Variants in UBE2L3 observed in about 807,000 individuals in gnomAD.
UBE2L3 encodes ubiquitin conjugating enzyme E2 L3.
In UBE2L3, 1 loss-of-function variant was observed where a neutral mutation model predicts 17.8. The ratio of observed to expected loss-of-function variants is 0.06; its 90% CI spans 0.02 to 0.27. UBE2L3 has a LOEUF of 0.27. Ranked by LOEUF, UBE2L3 falls within the 10% of genes least tolerant of loss-of-function variation. UBE2L3 has a pLI of 1.00. For missense variants in UBE2L3, 40 were observed against 192.6 expected (o/e 0.21, Z 4.69); for synonymous variants, 44 against 68.5 (o/e 0.64, Z 1.76).
intron 1 of UBE2L3, among the ~76,000 whole-genome samples, chr22:21,561,067 G>GGAGTC (rs1467957715): frequency 6.6e-6 from 1 of 152,186 alleles, no homozygotes; most frequent in Non-Finnish European, 1.5e-5. Context: ...AAAGAAAGAG[G>GGAGTC]GAGTCCTTTA....
At chr22:21,572,438 AAAAG>A (rs1363823522) in intron 1 of UBE2L3, among the ~76,000 whole-genome samples, 9 of 150,206 alleles carry the variant, frequency 6.0e-5, no homozygotes. Context: ...AAAAAAAAAA[AAAAG>A]AAAACCCTGA....
chr22:21,612,647 T>C (rs1320085076), intron 3 of UBE2L3, among the ~76,000 whole-genome samples: 10 of 97,004 alleles, frequency 1.0e-4, no homozygotes, highest in East Asian at 3.0e-4. Context: ...TCTTTTCTTT[T>C]TTTTTTTTTT....
chr22:21,569,615 C>T (rs542818220), intron 1 of UBE2L3, among the ~76,000 whole-genome samples: 2 of 152,142 alleles, frequency 1.3e-5, no homozygotes, highest in Non-Finnish European at 2.9e-5. Flanking sequence ...GCAGTTAATC[C>T]TAACCTCTTA....
intron 1 of UBE2L3, among the ~76,000 whole-genome samples, chr22:21,556,629 A>ATTTTTTT (rs780653296): frequency 1.5e-5 from 2 of 130,452 alleles, no homozygotes; most frequent in Non-Finnish European, 3.2e-5. Flanking sequence ...TTTTTTTTGT[A>ATTTTTTT]TTTTTTTTTT....
intron 1 of UBE2L3, among the ~76,000 whole-genome samples, chr22:21,558,656 A>ATT (rs131646): frequency 8.9e-5 from 13 of 146,552 alleles, no homozygotes; most frequent in Non-Finnish European, 1.0e-4. Flanking sequence ...AAAACACTTA[A>ATT]TTTTTTTTTT....
chr22:21,568,100 C>T (rs1033277410), intron 1 of UBE2L3: 6 of 1,121,358 alleles, frequency 5.4e-6, no homozygotes, highest in East Asian at 5.2e-5. Flanking sequence ...TGTGAGAGCC[C>T]GGTTGGGAGG....
At chr22:21,582,150 A>T (rs1039350879) in intron 1 of UBE2L3, among the ~76,000 whole-genome samples, 5 of 151,544 alleles carry the variant, frequency 3.3e-5, no homozygotes, top group African/African-American at 1.2e-4. Flanking sequence ...AAACAAAAAA[A>T]AAAACAGTTC....
intron 2 of UBE2L3, among the ~76,000 whole-genome samples, chr22:21,601,432 C>T (rs1928853501): frequency 6.6e-6 from 1 of 151,550 alleles, no homozygotes; most frequent in South Asian, 2.1e-4. Flanking sequence ...CCTGCCTCAG[C>T]CTCCTAAGTA....
At chr22:21,602,404 G>A (rs1020693586) in intron 2 of UBE2L3, among the ~76,000 whole-genome samples, 1 of 152,216 alleles carries the variant, frequency 6.6e-6, no homozygotes, top group Non-Finnish European at 1.5e-5. Context: ...AAGACACCTT[G>A]ACTTCCTCTG....
chr22:21,556,105 C>G (rs1327214592), intron 1 of UBE2L3, among the ~76,000 whole-genome samples: 1 of 152,250 alleles, frequency 6.6e-6, no homozygotes, highest in Non-Finnish European at 1.5e-5. Flanking sequence ...GTGGTGCATG[C>G]CTGTACTCCT....
At chr22:21,614,468 G>T (rs973374481) in intron 3 of UBE2L3, 6 of 735,338 alleles carry the variant, frequency 8.2e-6, no homozygotes, top group Middle Eastern at 2.9e-4. Context: ...AAAGCCACTT[G>T]TGCCACCCTC....
chr22:21,567,564 CTG>C (rs1372896694), upstream of UBE2L3: 3 of 1,367,666 alleles, frequency 2.2e-6, no homozygotes, highest in African/African-American at 1.5e-5. Flanking sequence ...GAGGCCCAGT[CTG>C]TGCGGTTCAC....
intron 2 of UBE2L3, among the ~76,000 whole-genome samples, chr22:21,598,001 A>G (rs947047519): frequency 7.2e-6 from 1 of 139,448 alleles, no homozygotes; most frequent in African/African-American, 2.7e-5. Flanking sequence ...GGGTTTTGCC[A>G]TATTGCACAG....
At chr22:21,583,710 C>T (rs949772387) in intron 1 of UBE2L3, among the ~76,000 whole-genome samples, 6 of 152,114 alleles carry the variant, frequency 3.9e-5, no homozygotes, top group East Asian at 1.9e-4. Flanking sequence ...AATGACATGA[C>T]GACTGCTGCC....
At chr22:21,584,377 A>G (rs992906267) in intron 1 of UBE2L3, among the ~76,000 whole-genome samples, 6 of 149,402 alleles carry the variant, frequency 4.0e-5, no homozygotes, top group Non-Finnish European at 7.4e-5. Flanking sequence ...GGGTTTCACC[A>G]TATTGGCCAG....
In UBE2L3 at chr22:21,555,897, A is replaced by G. The variant is rs868223109; in HGVS notation, c.201+6247A>G. 9.8e-3 allele frequency among the ~76,000 whole-genome samples: 1,489 copies of G among 152,008 alleles called. 1 individual carries two copies. The highest frequency in any genetic ancestry group is 0.034 in the African/African-American group (1,396 of 41,230). ...CAGTGGGCTGAGATCGTGCCATTGC[A>G]CTCCAGCCTGGGCAACAGAGAGAGA... is the stretch of plus-strand genomic sequence containing the variant. On this transcript the variant is annotated intron_variant, in intron 1 of 3. Coordinates refer to the UBE2L3 transcript ENST00000458578.
chr22:21,617,272 G>GT (rs971339355), intron 3 of UBE2L3, among the ~76,000 whole-genome samples: 3 of 151,116 alleles, frequency 2.0e-5, no homozygotes, highest in African/African-American at 7.3e-5. Context: ...TTTGTTTTTT[G>GT]TTTTTTGTTG....
chr22:21,586,701 G>C (rs1356683328), intron 1 of UBE2L3, among the ~76,000 whole-genome samples: 1 of 151,528 alleles, frequency 6.6e-6, no homozygotes, highest in Non-Finnish European at 1.5e-5. Context: ...CCAAGTAGCT[G>C]GGAATACAGG....
chr22:21,577,989 CA>C (rs1451977226), intron 1 of UBE2L3, among the ~76,000 whole-genome samples: 11 of 152,106 alleles, frequency 7.2e-5, no homozygotes, highest in Non-Finnish European at 1.6e-4. Context: ...GGGTGTAACT[CA>C]GAGGTTGAAT....
Sources: gnomAD v4.1 joint callset for allele counts (sites outside exome capture counted in the v4.1 genomes callset) on GRCh38, gnomAD v4.1.1 for gene constraint, MANE v1.5 for transcripts, NCBI Gene and HGNC (gene_info 2026-07-23, HGNC 2026-07-21) for gene names.